C6: variants seen among roughly 807,000 people sequenced by gnomAD.
C6 encodes complement component C6.
In C6, 101 loss-of-function variants were observed where a neutral mutation model predicts 112.9. The observed-to-expected ratio is 0.89, with a 90% CI of 0.76 to 1.06. The LOEUF (loss-of-function observed/expected upper bound fraction) is 1.06. Among genes scored for constraint, C6 ranks in the 50% least tolerant of loss-of-function variants. The pLI is 0.00. For synonymous variants in C6, 431 were observed against 384.1 expected (o/e 1.12, Z -1.43); for missense variants, 1,202 against 1,104.6 (o/e 1.09, Z -1.25).
intron 1 of C6, among the ~76,000 whole-genome samples, chr5:41,231,010 C>T (rs577436016): frequency 1.8e-4 from 27 of 152,204 alleles, no homozygotes; most frequent in Non-Finnish European, 2.9e-4. Context: ...TATAGCCATT[C>T]CTGCTCTCTT....
rs376064143 is a variant in C6, at chr5:41,165,841, A to G, written c.1292-3982T>C. 5.9e-5 allele frequency among the ~76,000 whole-genome samples: 9 copies of G among 152,280 alleles called. No individual in the cohort carries two copies. In the South Asian group the frequency reaches 1.9e-3, roughly 32 times the overall value. Reference sequence around the variant, plus strand: ...TGATTACATAGCCAATCAACAGTGGAGCCAACACTTGAATATAATCTAGCC... The same window carrying G: ...TGATTACATAGCCAATCAACAGTGGGGCCAACACTTGAATATAATCTAGCC... On this transcript the variant is annotated intron_variant, in intron 9 of 17. Coordinates refer to ENST00000337836, the MANE Select transcript of C6 (RefSeq NM_000065.5).
intron 1 of C6, among the ~76,000 whole-genome samples, chr5:41,208,270 A>G (rs1032864768): frequency 4.6e-5 from 7 of 152,226 alleles, no homozygotes; most frequent in African/African-American, 1.7e-4. Flanking sequence ...AGAAAGCAGG[A>G]AAGATCCAAA....
Position 41,204,659 on chromosome 5 carries a change from CT to C in C6, c.-20-1410del, listed in dbSNP as rs56809256. Among the ~76,000 whole-genome samples the C allele has an allele frequency of 1.1e-3, 148 of 133,330 alleles. 1 individual carries two copies. Among genetic ancestry groups the C allele is most frequent in the Middle Eastern group, 4.0e-3 (1 of 250 alleles). 87.5% of individuals were successfully genotyped at this position (133,330 alleles called of 152,430 possible). A position where few individuals can be genotyped will look rare whatever the true frequency, so the allele number is the denominator to read the frequency against. On this transcript the variant is annotated intron_variant, in intron 1 of 17. Coordinates refer to ENST00000337836, the MANE Select transcript of C6 (RefSeq NM_000065.5). ...TATTTCTTGTTAATAAATCAGTAAG[CT>C]TTTTTTTTTCTTTTTTTTTTTTTTT...
intron 1 of C6, among the ~76,000 whole-genome samples, chr5:41,233,532 A>C (rs899426165): frequency 4.6e-5 from 7 of 152,102 alleles, no homozygotes; most frequent in Non-Finnish European, 1.0e-4. Context: ...GCAATTGTGT[A>C]ACAAAACAAA....
intron 8 of C6, among the ~76,000 whole-genome samples, chr5:41,173,973 C>T (rs560946366): frequency 5.9e-5 from 9 of 152,218 alleles, no homozygotes; most frequent in African/African-American, 9.6e-5. Flanking sequence ...GGCCATACTA[C>T]GAATGTAATG....
intron 1 of C6, among the ~76,000 whole-genome samples, chr5:41,230,205 T>A (rs1411849232): frequency 6.6e-6 from 1 of 152,104 alleles, no homozygotes; most frequent in Non-Finnish European, 1.5e-5. Flanking sequence ...TCAGTGCACC[T>A]TGAAAAGAAC....
At chr5:41,218,468 A>C (rs2150401696), upstream of C6, among the ~76,000 whole-genome samples, 1 of 152,332 alleles carries the variant, frequency 6.6e-6, no homozygotes, top group East Asian at 1.9e-4. Flanking sequence ...AAATAAATGA[A>C]TTATATGGTT....
At chr5:41,251,503 C>T (rs1741361163) in intron 1 of C6, among the ~76,000 whole-genome samples, 1 of 152,128 alleles carries the variant, frequency 6.6e-6, no homozygotes, top group Non-Finnish European at 1.5e-5. Flanking sequence ...GTAGTCATGA[C>T]CAAAGGGAAT....
chr5:41,250,339 T>A (rs1741272804), intron 1 of C6, among the ~76,000 whole-genome samples: 1 of 152,106 alleles, frequency 6.6e-6, no homozygotes, highest in African/African-American at 2.4e-5. Flanking sequence ...CCGGCATGAG[T>A]TAGATGATTT....
intron 5 of C6, among the ~76,000 whole-genome samples, chr5:41,187,715 C>T (rs1016687324): frequency 3.3e-5 from 5 of 151,698 alleles, no homozygotes; most frequent in African/African-American, 1.2e-4. Flanking sequence ...CACACACACA[C>T]ACACACACAC....
rs753555576 is a variant in C6 at position 41,149,345 on chromosome 5, C to G, written c.2519G>C (p.Gly840Ala). ...TTCAAGACCCCATTCTAACTGGCGGCCGTCTTGGCAGGAACCAATATGTAG... is the reference window on the plus strand; with the variant it reads ...TTCAAGACCCCATTCTAACTGGCGGGCGTCTTGGCAGGAACCAATATGTAG... The part of the protein sequence containing the change: ...HFLHIGSCQD[G>A]RQLEWGLERT... The change falls in exon 17 of 18, where the codon GGC (glycine) becomes GCC (alanine). Residue 840 changes from glycine to alanine, a missense_variant. Transcript: ENST00000337836. 2 of 1,613,998 alleles carry G rather than the reference C, an allele frequency of 1.2e-6. No homozygotes were observed. The highest frequency in any genetic ancestry group is 8.5e-7 in the Non-Finnish European group (1 of 1,179,960).
intron 2 of C6, among the ~76,000 whole-genome samples, chr5:41,202,023 T>C (rs1021369736): frequency 6.6e-6 from 1 of 152,058 alleles, no homozygotes; most frequent in African/African-American, 2.4e-5. Context: ...TGGCTGCACA[T>C]GTTACACCAT....
intron 1 of C6, among the ~76,000 whole-genome samples, chr5:41,204,105 A>C (rs1751242048): frequency 6.6e-6 from 1 of 152,230 alleles, no homozygotes; most frequent in African/African-American, 2.4e-5. Flanking sequence ...TCCCTAATGA[A>C]ACATGCAACA....
chr5:41,157,541 T>C (rs1186878681), intron 13 of C6, among the ~76,000 whole-genome samples: 3 of 152,218 alleles, frequency 2.0e-5, no homozygotes, highest in Non-Finnish European at 4.4e-5. Flanking sequence ...TGAATGTGGC[T>C]GTGTTCCAAT....
intron 6 of C6, among the ~76,000 whole-genome samples, chr5:41,183,920 CTA>C (rs1326807827): frequency 6.7e-6 from 1 of 149,916 alleles, no homozygotes; most frequent in African/African-American, 2.4e-5. Flanking sequence ...TAAGTGAGAG[CTA>C]AACATCGGGC....
In C6 at chr5:41,213,370, A is replaced by G. The variant is rs1489673828; in HGVS notation, c.-21+6T>C. On this transcript the variant is annotated splice_donor_region_variant and intron_variant, in intron 1 of 17. Coordinates refer to ENST00000337836, the MANE Select transcript of C6 (RefSeq NM_000065.5). ...AGATTGAAAATGAAATCATCATATT[A>G]CTCACCTTTAAGCAGAGTTTGTGGT... 4 of 972,614 alleles carry G rather than the reference A, an allele frequency of 4.1e-6. No homozygotes were observed. Among genetic ancestry groups the G allele is most frequent in the East Asian group, 1.1e-4 (1 of 8,742 alleles). The allele number at this position is 972,614 out of a possible 1,614,324, so 60.2% of individuals were successfully genotyped here. A position where few individuals can be genotyped will look rare whatever the true frequency, so the allele number is the denominator to read the frequency against.
chr5:41,148,960 G>A (rs1030570345), intron 17 of C6, among the ~76,000 whole-genome samples: 3 of 152,292 alleles, frequency 2.0e-5, no homozygotes, highest in Non-Finnish European at 2.9e-5. Context: ...CCTGAAACAC[G>A]AGATCGGGAC....
chr5:41,211,599 C>T (rs1751934317), intron 1 of C6, among the ~76,000 whole-genome samples: 2 of 151,836 alleles, frequency 1.3e-5, no homozygotes, highest in Non-Finnish European at 2.9e-5. Context: ...TGAAGCTTTC[C>T]TTTCAACCAC....
chr5:41,257,102 G>A (rs967068656), intron 1 of C6, among the ~76,000 whole-genome samples: 1 of 151,928 alleles, frequency 6.6e-6, no homozygotes, highest in Admixed American at 6.6e-5. Flanking sequence ...ATTTCACGGG[G>A]GTTCGGTGTA....
Sources: allele counts gnomAD v4.1 joint callset (sites outside exome capture counted in the v4.1 genomes callset), GRCh38; gene constraint gnomAD v4.1.1; transcripts MANE v1.5; gene names NCBI Gene and HGNC (gene_info 2026-07-23, HGNC 2026-07-21).